The following DIS3L2 variants were observed in gnomAD, a reference collection of about 807,000 sequenced individuals.
DIS3L2 encodes DIS3 like 3'-5' exoribonuclease 2.
Under a neutral mutation model 97.5 loss-of-function variants are expected in DIS3L2, and 34 were observed. The ratio of observed to expected loss-of-function variants is 0.35; its 90% CI spans 0.27 to 0.46. The LOEUF (loss-of-function observed/expected upper bound fraction) is 0.46, where lower values mean the gene tolerates loss of function less well. Ranked by LOEUF, DIS3L2 falls within the 20% of genes least tolerant of loss-of-function variation. The pLI is 1.00. For missense variants in DIS3L2, 1,038 were observed against 1,146.0 expected, an observed-to-expected ratio of 0.91 and a Z score of 1.36; for synonymous variants, 435 against 445.2, an observed-to-expected ratio of 0.98 and a Z score of 0.29.
chr2:232,018,587 A>G (rs1191338206), intron 3 of DIS3L2, among the ~76,000 whole-genome samples: 1 of 152,198 alleles, frequency 6.6e-6, no homozygotes, highest in Non-Finnish European at 1.5e-5. Context: ...GGAGAAAATT[A>G]AGTGTATTAG....
In DIS3L2 at chr2:232,078,007, TTCTTTCTTTCTTTTTCTC is replaced by T. The variant is rs1441505763; in HGVS notation, c.367-9478_367-9461del. On this transcript the variant is annotated intron_variant, in intron 5 of 20. Transcript: ENST00000325385. ...TTTCTTTCTTTCTTTCTTTCTTTCTTTCTTTCTTTCTTTTTCTCTTTCTCTTTCTCTTTCTTTTTTTTT... is the reference window on the plus strand; with the variant it reads ...TTTCTTTCTTTCTTTCTTTCTTTCTTTTTCTCTTTCTCTTTCTTTTTTTTT... Among the ~76,000 whole-genome samples, 1,033 of 135,910 alleles carry T rather than the reference TTCTTTCTTTCTTTTTCTC, an allele frequency of 7.6e-3. 22 individuals are homozygous for T. In the East Asian group the frequency reaches 0.084, roughly 11 times the overall value. 89.2% of individuals were successfully genotyped at this position (135,910 alleles called of 152,430 possible). A position where few individuals can be genotyped will look rare whatever the true frequency, so the allele number is the denominator to read the frequency against.
intron 5 of DIS3L2, among the ~76,000 whole-genome samples, chr2:232,084,183 G>A (rs1156767121): frequency 1.3e-5 from 2 of 152,114 alleles, no homozygotes; most frequent in African/African-American, 2.4e-5. Flanking sequence ...TCTTCTTTGG[G>A]TCAGTTATGA....
At chr2:232,104,777 A>G (rs924742698) in intron 6 of DIS3L2, among the ~76,000 whole-genome samples, 9 of 152,092 alleles carry the variant, frequency 5.9e-5, no homozygotes, top group African/African-American at 2.2e-4. Flanking sequence ...ATTCCATTAT[A>G]TTGTATATAC....
At chr2:232,187,298 CT>C (rs1691467504) in intron 9 of DIS3L2, among the ~76,000 whole-genome samples, 1 of 152,132 alleles carries the variant, frequency 6.6e-6, no homozygotes, top group African/African-American at 2.4e-5. Flanking sequence ...CCCTCTTATA[CT>C]GCTGGTGAGA....
At chr2:232,079,352 T>A (rs984403999) in intron 5 of DIS3L2, among the ~76,000 whole-genome samples, 1 of 151,806 alleles carries the variant, frequency 6.6e-6, no homozygotes, top group African/African-American at 2.4e-5. Flanking sequence ...ATCCCAGCAC[T>A]TTGGGAGGCT....
chr2:232,023,837 C>G (rs566006410), intron 3 of DIS3L2, among the ~76,000 whole-genome samples: 1 of 152,212 alleles, frequency 6.6e-6, no homozygotes, highest in Middle Eastern at 3.4e-3. Flanking sequence ...CAACCTGTAC[C>G]ACTTTGAAAA....
At chr2:232,026,053 A>G (rs1694647695) in intron 4 of DIS3L2, among the ~76,000 whole-genome samples, 1 of 152,116 alleles carries the variant, frequency 6.6e-6, no homozygotes, top group Non-Finnish European at 1.5e-5. Flanking sequence ...GATAAGGGGA[A>G]CTACAGCATT....
chr2:232,008,810 G>A (rs1414735950), intron 1 of DIS3L2, among the ~76,000 whole-genome samples: 1 of 152,114 alleles, frequency 6.6e-6, no homozygotes, highest in Non-Finnish European at 1.5e-5. Flanking sequence ...GTGAGGTGAG[G>A]CTTAACATAA....
intron 14 of DIS3L2, among the ~76,000 whole-genome samples, chr2:232,315,167 G>A (rs995029038): frequency 2.6e-5 from 4 of 152,190 alleles, no homozygotes; most frequent in African/African-American, 9.7e-5. Flanking sequence ...TTGATGAACA[G>A]GGACACTCAA....
chr2:232,026,015 G>A (rs960985331), intron 4 of DIS3L2, among the ~76,000 whole-genome samples: 1 of 152,102 alleles, frequency 6.6e-6, no homozygotes, highest in Non-Finnish European at 1.5e-5. Context: ...TCTTGTGCAT[G>A]CTTAAGTTTG....
chr2:231,984,140 C>G, intron 1 of DIS3L2, among the ~76,000 whole-genome samples: 1 of 151,718 alleles, frequency 6.6e-6, no homozygotes. Flanking sequence ...AGCAGACTAT[C>G]TCCTTTAGAA....
intron 5 of DIS3L2, among the ~76,000 whole-genome samples, chr2:232,034,420 C>G (rs993925363): frequency 6.6e-6 from 1 of 152,052 alleles, no homozygotes; most frequent in Non-Finnish European, 1.5e-5. Context: ...AAAACCAGCT[C>G]CTGGACTCAT....
intron 3 of DIS3L2, among the ~76,000 whole-genome samples, chr2:232,023,745 T>C (rs539347058): frequency 1.0e-3 from 152 of 152,306 alleles, no homozygotes; most frequent in Non-Finnish European, 1.7e-3. Context: ...TTTTGAATTA[T>C]TGACTCATTC....
Position 232,213,925 on chromosome 2 carries a change from G to A in DIS3L2, c.1204+3520G>A, listed in dbSNP as rs539541886. ...TTAGGTTGCAGGCGGAGGAGAGGGT[G>A]CCACCTATCTTCATGAAATCTCAGC... On this transcript the variant is annotated intron_variant, in intron 10 of 20. Transcript: ENST00000325385. Among the ~76,000 whole-genome samples the A allele has an allele frequency of 3.3e-5, 5 of 152,160 alleles. No individual in the cohort carries two copies. In the East Asian group the frequency reaches 5.8e-4, roughly 18 times the overall value.
chr2:232,118,613 A>T (rs959817274), intron 6 of DIS3L2, among the ~76,000 whole-genome samples: 6 of 152,196 alleles, frequency 3.9e-5, no homozygotes. Flanking sequence ...ACCCTTTGAA[A>T]CTAAAGAAGG....
At chr2:232,068,428 T>C (rs1005898892) in intron 5 of DIS3L2, among the ~76,000 whole-genome samples, 4 of 122,646 alleles carry the variant, frequency 3.3e-5, no homozygotes, top group African/African-American at 1.2e-4. Context: ...AAAAAAAAAA[T>C]ACAAAAGTTA....
At chr2:232,230,005 T>A (rs1158859938) in intron 10 of DIS3L2, among the ~76,000 whole-genome samples, 1 of 152,062 alleles carries the variant, frequency 6.6e-6, no homozygotes, top group Non-Finnish European at 1.5e-5. Context: ...TACCCCAGAT[T>A]TTTTTTTCAC....
At chr2:232,092,977 G>A (rs962847109) in intron 6 of DIS3L2, among the ~76,000 whole-genome samples, 5 of 152,126 alleles carry the variant, frequency 3.3e-5, no homozygotes, top group Non-Finnish European at 7.4e-5. Flanking sequence ...CCAGACCTTA[G>A]AAGAAAGTCT....
intron 10 of DIS3L2, among the ~76,000 whole-genome samples, chr2:232,235,075 G>T (rs1477607679): frequency 2.0e-5 from 3 of 152,218 alleles, no homozygotes; most frequent in African/African-American, 7.2e-5. Context: ...GTCCCGTCAG[G>T]TTCATTCAAA....
Sources: allele counts gnomAD v4.1 joint callset (sites outside exome capture counted in the v4.1 genomes callset), GRCh38; gene constraint gnomAD v4.1.1; transcripts MANE v1.5; gene names NCBI Gene and HGNC (gene_info 2026-07-23, HGNC 2026-07-21).